The following KIF3B variants were observed in gnomAD, a reference collection of about 807,000 sequenced individuals.
KIF3B encodes kinesin family member 3B.
KIF3B carries 38 observed loss-of-function variants against 74.3 expected under a neutral mutation model. The ratio of observed to expected loss-of-function variants is 0.51; its 90% CI spans 0.39 to 0.67. The LOEUF is 0.67. KIF3B is among the 30% of genes least tolerant of loss of function. The probability of loss-of-function intolerance (pLI) is 0.00; values close to 1 mark genes in which losing one functional copy is unlikely to be tolerated. For missense variants in KIF3B, 649 were observed against 932.0 expected (o/e 0.70, Z 3.95); for synonymous variants, 326 against 342.5 (o/e 0.95, Z 0.53).
intron 5 of KIF3B, among the ~76,000 whole-genome samples, chr20:32,325,653 CTCTTTTTTT>C (rs1259906816): frequency 7.8e-5 from 7 of 90,278 alleles, no homozygotes; most frequent in South Asian, 8.8e-4. Flanking sequence ...CTCTCTCTCT[CTCTTTTTTT>C]TTTTTTTTTT....
intron 5 of KIF3B, among the ~76,000 whole-genome samples, chr20:32,322,628 TTATA>T (rs1269800741): frequency 1.9e-5 from 2 of 106,318 alleles, no homozygotes; most frequent in African/African-American, 8.5e-5. Flanking sequence ...TTTTATATAT[TTATA>T]TATATTTATA....
chr20:32,325,426 G>A (rs2047897654), intron 5 of KIF3B, among the ~76,000 whole-genome samples: 1 of 152,054 alleles, frequency 6.6e-6, no homozygotes, highest in African/African-American at 2.4e-5. Context: ...CTGACCTCAG[G>A]TGATCCACCC....
intron 5 of KIF3B, among the ~76,000 whole-genome samples, chr20:32,322,648 ATTTTTATATATT>A (rs1569207389): frequency 5.1e-5 from 4 of 77,892 alleles, no homozygotes; most frequent in African/African-American, 2.7e-4. Context: ...TTATATATAT[ATTTTTATATATT>A]TATATATATA....
intron 7 of KIF3B, among the ~76,000 whole-genome samples, chr20:32,329,894 G>A (rs1459760961): frequency 3.3e-5 from 5 of 152,190 alleles, no homozygotes; most frequent in South Asian, 2.1e-4. Context: ...AGAAGATTAC[G>A]GTTAGTTAGC....
At chr20:32,295,723 T>G (rs1335336330) in intron 1 of KIF3B, among the ~76,000 whole-genome samples, 1 of 152,166 alleles carries the variant, frequency 6.6e-6, no homozygotes, top group African/African-American at 2.4e-5. Flanking sequence ...CTTAGAAAGT[T>G]AAAAATTCTA....
At chr20:32,283,289 A>C (rs2047652465) in intron 1 of KIF3B, among the ~76,000 whole-genome samples, 1 of 151,582 alleles carries the variant, frequency 6.6e-6, no homozygotes, top group Non-Finnish European at 1.5e-5. Context: ...GCAGATCACG[A>C]GGTCAGGAGT....
chr20:32,300,351 C>T (rs1342592774), intron 1 of KIF3B, among the ~76,000 whole-genome samples: 1 of 152,002 alleles, frequency 6.6e-6, no homozygotes, highest in African/African-American at 2.4e-5. Flanking sequence ...GATCTCCACT[C>T]ACTGCAAGCT....
intron 1 of KIF3B, among the ~76,000 whole-genome samples, chr20:32,291,083 A>G (rs1180603830): frequency 6.6e-6 from 1 of 152,108 alleles, no homozygotes; most frequent in Non-Finnish European, 1.5e-5. Flanking sequence ...TCATGGAAAC[A>G]TGGTTACCAG....
At chr20:32,282,215 G>A (rs1486704325) in intron 1 of KIF3B, among the ~76,000 whole-genome samples, 1 of 152,138 alleles carries the variant, frequency 6.6e-6, no homozygotes, top group Non-Finnish European at 1.5e-5. Flanking sequence ...GGTGGCAGTG[G>A]AGATGGTAAG....
intron 1 of KIF3B, among the ~76,000 whole-genome samples, chr20:32,300,936 G>T (rs2047740710): frequency 6.6e-6 from 1 of 151,966 alleles, no homozygotes; most frequent in East Asian, 1.9e-4. Flanking sequence ...TGCAATCATG[G>T]CTCACTGTAG....
At chr20:32,313,624 G>C (rs576474680) in intron 2 of KIF3B, among the ~76,000 whole-genome samples, 2 of 152,092 alleles carry the variant, frequency 1.3e-5, no homozygotes, top group Non-Finnish European at 2.9e-5. Flanking sequence ...TCCAGGGAGG[G>C]GTTCTGAGAT....
At chr20:32,296,282 GATTTT>G (rs1326491675) in intron 1 of KIF3B, among the ~76,000 whole-genome samples, 1 of 151,896 alleles carries the variant, frequency 6.6e-6, no homozygotes, top group East Asian at 1.9e-4. Flanking sequence ...CTTTCCCCTT[GATTTT>G]ATTTTATTTT....
At chr20:32,281,172 T>C (rs866135551) in intron 1 of KIF3B, among the ~76,000 whole-genome samples, 18 of 152,192 alleles carry the variant, frequency 1.2e-4, no homozygotes, top group African/African-American at 4.1e-4. Context: ...TACACATGCT[T>C]TTACTCATTT....
intron 1 of KIF3B, among the ~76,000 whole-genome samples, chr20:32,306,888 C>G (rs897414894): frequency 6.6e-6 from 1 of 152,104 alleles, no homozygotes; most frequent in Non-Finnish European, 1.5e-5. Context: ...CCACCACGCT[C>G]AGCCTTTCCT....
rs575492977 is a variant in KIF3B, at chr20:32,334,564, C to A, written c.*3245C>A. 2 of 152,698 alleles carry A rather than the reference C, an allele frequency of 1.3e-5. No individual in the cohort carries two copies. Among genetic ancestry groups the A allele is most frequent in the South Asian group, 4.1e-4 (2 of 4,820 alleles). The allele number at this position is 152,698 out of a possible 1,614,324, so 9.5% of individuals were successfully genotyped here. The stretch of plus-strand genomic sequence containing the variant: ...TGAGGTTGAGGCGTACTGGAGACAA[C>A]ACCTCAGACCATCTGAACCCCATCA... On this transcript the variant is annotated 3_prime_UTR_variant, in exon 9 of 9. Transcript: ENST00000375712.
intron 2 of KIF3B, among the ~76,000 whole-genome samples, chr20:32,315,896 A>C (rs987392476): frequency 6.6e-6 from 1 of 152,024 alleles, no homozygotes; most frequent in Non-Finnish European, 1.5e-5. Context: ...CATCCCCAGG[A>C]CCTAACATAA....
chr20:32,278,923 T>C (rs2047628854), intron 1 of KIF3B, among the ~76,000 whole-genome samples: 1 of 95,700 alleles, frequency 1.0e-5, no homozygotes, highest in African/African-American at 4.5e-5. Context: ...TAAGAATCCT[T>C]TTTTTTTTTT....
chr20:32,288,351 G>A (rs943372999), intron 1 of KIF3B, among the ~76,000 whole-genome samples: 3 of 152,030 alleles, frequency 2.0e-5, no homozygotes, highest in South Asian at 4.1e-4. Flanking sequence ...TTACCCGGGT[G>A]CAGTGGCTTG....
intron 1 of KIF3B, among the ~76,000 whole-genome samples, chr20:32,286,293 C>T (rs2047667289): frequency 6.6e-6 from 1 of 152,118 alleles, no homozygotes; most frequent in African/African-American, 2.4e-5. Flanking sequence ...ACTAAAAGCT[C>T]ATAGCACAAT....
Sources: gnomAD v4.1 joint callset for allele counts (sites outside exome capture counted in the v4.1 genomes callset) on GRCh38, gnomAD v4.1.1 for gene constraint, MANE v1.5 for transcripts, NCBI Gene and HGNC (gene_info 2026-07-23, HGNC 2026-07-21) for gene names.